The following SV2C variants were observed in gnomAD, a reference collection of about 807,000 sequenced individuals.
The protein encoded by SV2C is synaptic vesicle glycoprotein 2C.
In SV2C, 49 loss-of-function variants were observed where a neutral mutation model predicts 79.7. The ratio of observed to expected loss-of-function variants is 0.61; its 90% CI spans 0.49 to 0.78. The LOEUF (loss-of-function observed/expected upper bound fraction) is 0.78. Among genes scored for constraint, SV2C ranks in the 30% least tolerant of loss-of-function variants. The pLI, the probability that SV2C is intolerant of heterozygous loss-of-function variation, is 0.00. For missense variants in SV2C, 833 were observed against 912.9 expected (o/e 0.91, Z 1.13); for synonymous variants, 334 against 333.2 (o/e 1.00, Z -0.03).
At chr5:75,938,779 G>A in the SV2C span, among the ~76,000 whole-genome samples, 1 of 152,114 alleles carries the variant, frequency 6.6e-6, no homozygotes, top group African/African-American at 2.4e-5. Context: ...TTTTCTATAT[G>A]TATATTTCAA....
At chr5:76,237,224 C>T (rs1356697861) in intron 4 of SV2C, among the ~76,000 whole-genome samples, 2 of 152,220 alleles carry the variant, frequency 1.3e-5, no homozygotes, top group Admixed American at 1.3e-4. Flanking sequence ...CTGACTTCTA[C>T]TGAACCAAGT....
the SV2C span, among the ~76,000 whole-genome samples, chr5:75,909,905 A>T: frequency 3.9e-5 from 6 of 152,226 alleles, no homozygotes; most frequent in Non-Finnish European, 8.8e-5. Flanking sequence ...AGATGTCAGG[A>T]TGATCCATCC....
the SV2C span, among the ~76,000 whole-genome samples, chr5:75,871,732 G>A: frequency 2.0e-5 from 3 of 151,138 alleles, no homozygotes; most frequent in Non-Finnish European, 3.0e-5. Flanking sequence ...TGCTTGAACC[G>A]GGGAGTCAGA....
intron 12 of SV2C, among the ~76,000 whole-genome samples, chr5:76,312,384 C>A (rs1264839614): frequency 2.0e-5 from 3 of 152,172 alleles, no homozygotes; most frequent in Non-Finnish European, 4.4e-5. Context: ...TCCTGAGTAA[C>A]TGGGATTATA....
chr5:75,917,473 A>T, the SV2C span, among the ~76,000 whole-genome samples: 1 of 152,258 alleles, frequency 6.6e-6, no homozygotes, highest in Non-Finnish European at 1.5e-5. Context: ...AGAATCAGGC[A>T]CTTTTCACAT....
chr5:76,265,709 G>A (rs1365449681), intron 4 of SV2C, among the ~76,000 whole-genome samples: 1 of 152,004 alleles, frequency 6.6e-6, no homozygotes, highest in Non-Finnish European at 1.5e-5. Flanking sequence ...CCTTGGATGG[G>A]AAAGGGAGGC....
chr5:76,163,591 C>T (rs1462591841), intron 2 of SV2C, among the ~76,000 whole-genome samples: 3 of 151,718 alleles, frequency 2.0e-5, no homozygotes, highest in Non-Finnish European at 2.9e-5. Flanking sequence ...CCTGACTCTG[C>T]CCCAGCACCA....
At chr5:76,013,637 T>A in the SV2C span, among the ~76,000 whole-genome samples, 1 of 151,748 alleles carries the variant, frequency 6.6e-6, no homozygotes, top group African/African-American at 2.4e-5. Context: ...GAACTTCCAA[T>A]GAAAAGTACC....
At chr5:76,109,114 A>T (rs1342491800) in intron 1 of SV2C, among the ~76,000 whole-genome samples, 1 of 152,204 alleles carries the variant, frequency 6.6e-6, no homozygotes, top group Non-Finnish European at 1.5e-5. Context: ...CCAAGCCTTA[A>T]CTGCTTACTG....
At chr5:75,978,536 T>C in the SV2C span, among the ~76,000 whole-genome samples, 1 of 152,210 alleles carries the variant, frequency 6.6e-6, no homozygotes, top group Non-Finnish European at 1.5e-5. Flanking sequence ...TTGATGCCCA[T>C]CTTATAATCT....
At chr5:75,924,714 G>C in the SV2C span, among the ~76,000 whole-genome samples, 3 of 152,054 alleles carry the variant, frequency 2.0e-5, no homozygotes, top group Non-Finnish European at 4.4e-5. Context: ...CCAATTGACT[G>C]TCTGGAGGAA....
At chr5:76,061,268 T>TAAAAA in the SV2C span, among the ~76,000 whole-genome samples, 692 of 51,562 alleles carry the variant, frequency 0.013, 46 homozygotes, top group African/African-American at 0.059. Context: ...CTTCAATTTG[T>TAAAAA]AAAAAAAAAA....
At chr5:76,034,225 T>C in the SV2C span, among the ~76,000 whole-genome samples, 1 of 151,940 alleles carries the variant, frequency 6.6e-6, no homozygotes, top group Non-Finnish European at 1.5e-5. Flanking sequence ...CTTTTCCTAA[T>C]TGAATACCCT....
the SV2C span, among the ~76,000 whole-genome samples, chr5:75,903,304 A>G: frequency 1.3e-5 from 2 of 151,976 alleles, no homozygotes; most frequent in African/African-American, 2.4e-5. Flanking sequence ...TTTGTCCAAG[A>G]TTATGAAAGG....
intron 2 of SV2C, among the ~76,000 whole-genome samples, chr5:76,183,314 C>A (rs898398909): frequency 6.6e-6 from 1 of 151,920 alleles, no homozygotes. Flanking sequence ...TGTAAGCCAC[C>A]ATGCCCAGCT....
intron 4 of SV2C, among the ~76,000 whole-genome samples, chr5:76,231,905 C>A (rs1400980093): frequency 2.1e-5 from 3 of 144,762 alleles, no homozygotes; most frequent in Non-Finnish European, 4.4e-5. Context: ...CATACGTGTG[C>A]ATGTGTCTTT....
At chr5:75,911,500 G>T in the SV2C span, 8 of 762,152 alleles carry the variant, frequency 1.0e-5, no homozygotes, top group African/African-American at 3.5e-5. Context: ...CTCTGGAGGG[G>T]GTTCAACCAC....
In SV2C at chr5:76,281,211, C is replaced by T. The variant is rs1420055579; in HGVS notation, c.914-3951C>T. The T allele has an allele frequency of 5.6e-6, 3 of 531,204 alleles. No homozygotes were observed. In the African/African-American group the frequency reaches 5.8e-5, roughly 10 times the overall value. 32.9% of individuals were successfully genotyped at this position (531,204 alleles called of 1,614,324 possible). On this transcript the variant is annotated intron_variant, in intron 4 of 12. Transcript: ENST00000502798. Reference sequence around the variant, plus strand: ...AAAGTAAGCCGACAAACAGAAAAGACAACAACAGTGAAATTCAACAGAAGA... The same window carrying T: ...AAAGTAAGCCGACAAACAGAAAAGATAACAACAGTGAAATTCAACAGAAGA...
intron 12 of SV2C, among the ~76,000 whole-genome samples, chr5:76,343,078 T>C (rs1243979871): frequency 6.6e-6 from 1 of 152,148 alleles, no homozygotes; most frequent in African/African-American, 2.4e-5. Context: ...TGTAATGTAG[T>C]CTAAGTTATC....
Sources: allele counts gnomAD v4.1 joint callset (sites outside exome capture counted in the v4.1 genomes callset), GRCh38; gene constraint gnomAD v4.1.1; transcripts MANE v1.5; gene names NCBI Gene and HGNC (gene_info 2026-07-23, HGNC 2026-07-21).